The following ARHGAP26 variants were observed in gnomAD, a reference collection of about 807,000 sequenced individuals.
ARHGAP26 encodes the protein Rho GTPase activating protein 26.
In ARHGAP26, 38 loss-of-function variants were observed where a neutral mutation model predicts 104.8. That is an observed-to-expected ratio of 0.36 (90% CI 0.28 to 0.48). ARHGAP26 has a LOEUF of 0.48. Ranked by LOEUF, ARHGAP26 falls within the 20% of genes least tolerant of loss-of-function variation. ARHGAP26 has a pLI of 0.99. For synonymous variants in ARHGAP26, 341 were observed against 340.0 expected, an observed-to-expected ratio of 1.00 and a Z score of -0.03; for missense variants, 704 against 947.9, an observed-to-expected ratio of 0.74 and a Z score of 3.38.
At chr5:142,993,371 T>G (rs1038559145) in intron 11 of ARHGAP26, among the ~76,000 whole-genome samples, 1 of 151,686 alleles carries the variant, frequency 6.6e-6, no homozygotes, top group African/African-American at 2.4e-5. Flanking sequence ...GGGTTTCACC[T>G]TGTTAGCCAG....
chr5:142,927,159 C>T (rs755983412), intron 10 of ARHGAP26, among the ~76,000 whole-genome samples: 8 of 151,966 alleles, frequency 5.3e-5, no homozygotes, highest in Non-Finnish European at 1.0e-4. Context: ...GTATTTAAAA[C>T]GATTTTTACT....
intron 12 of ARHGAP26, among the ~76,000 whole-genome samples, chr5:143,016,073 T>G (rs539359612): frequency 1.3e-5 from 2 of 152,008 alleles, no homozygotes; most frequent in South Asian, 4.2e-4. Context: ...AAATAGGGAG[T>G]TGGCTAAATA....
chr5:142,963,198 A>ATATATATATATGTGTGTGTG (rs869247749), intron 11 of ARHGAP26, among the ~76,000 whole-genome samples: 2 of 98,356 alleles, frequency 2.0e-5, no homozygotes, highest in South Asian at 4.1e-4. Flanking sequence ...ATATATATAT[A>ATATATATATATGTGTGTGTG]TGTGTGTGTG....
intron 12 of ARHGAP26, among the ~76,000 whole-genome samples, chr5:143,017,396 C>T (rs778657063): frequency 2.0e-5 from 3 of 152,180 alleles, no homozygotes; most frequent in African/African-American, 4.8e-5. Context: ...CATTTCTTTG[C>T]AGAGCCTTTT....
intron 1 of ARHGAP26, among the ~76,000 whole-genome samples, chr5:142,811,563 A>C (rs1764078410): frequency 6.6e-6 from 1 of 152,192 alleles, no homozygotes; most frequent in South Asian, 2.1e-4. Flanking sequence ...CCACTGTTCT[A>C]GGCTCTAAGG....
rs116259204 is a variant in ARHGAP26 at position 143,115,743 on chromosome 5, A to G, written c.1539-5245A>G. The stretch of plus-strand genomic sequence containing the variant: ...AATCAGCCTTTCAAGTTTACAAGCT[A>G]CAAGCTACATATTATTGCTCCCATT... On this transcript the variant is annotated intron_variant, in intron 17 of 22. Transcript: ENST00000645722. Among the ~76,000 whole-genome samples the G allele has an allele frequency of 5.9e-3, 899 of 152,322 alleles. 4 individuals are homozygous for G. The highest frequency in any genetic ancestry group is 0.011 in the Non-Finnish European group (720 of 68,034).
chr5:142,817,632 C>T (rs559443220), intron 1 of ARHGAP26, among the ~76,000 whole-genome samples: 2 of 152,256 alleles, frequency 1.3e-5, no homozygotes. Context: ...TAATCCCCAT[C>T]CCTGGGTGGC....
chr5:143,183,029 G>T (rs1030649763), intron 20 of ARHGAP26, among the ~76,000 whole-genome samples: 2 of 132,950 alleles, frequency 1.5e-5, no homozygotes, highest in Admixed American at 8.4e-5. Flanking sequence ...AGCTGCTTTG[G>T]TTTTAGGGTT....
At chr5:142,843,129 G>A (rs1771139741) in intron 1 of ARHGAP26, among the ~76,000 whole-genome samples, 1 of 152,176 alleles carries the variant, frequency 6.6e-6, no homozygotes, top group Admixed American at 6.5e-5. Flanking sequence ...AGCTTGCCAT[G>A]AATGTTCCCT....
At chr5:142,857,597 T>G (rs955087635) in intron 1 of ARHGAP26, among the ~76,000 whole-genome samples, 2 of 152,118 alleles carry the variant, frequency 1.3e-5, no homozygotes, top group Non-Finnish European at 2.9e-5. Context: ...CACCTTGATA[T>G]AGGAGGAAGT....
At chr5:143,106,071 A>C (rs547638787) in intron 17 of ARHGAP26, among the ~76,000 whole-genome samples, 1 of 152,094 alleles carries the variant, frequency 6.6e-6, no homozygotes, top group African/African-American at 2.4e-5. Flanking sequence ...TTAAAGGGTG[A>C]CTTTTTCTTT....
At chr5:142,790,569 G>A (rs1759592927) in intron 1 of ARHGAP26, among the ~76,000 whole-genome samples, 1 of 152,016 alleles carries the variant, frequency 6.6e-6, no homozygotes, top group African/African-American at 2.4e-5. Flanking sequence ...CATGCCATTC[G>A]TCATACAGTT....
chr5:143,158,660 AG>A (rs1332106271), intron 20 of ARHGAP26, among the ~76,000 whole-genome samples: 2 of 152,228 alleles, frequency 1.3e-5, no homozygotes, highest in African/African-American at 4.8e-5. Flanking sequence ...TTCCTTCACA[AG>A]GAAGCAGTGG....
chr5:143,025,967 G>GAAA (rs3836775), intron 12 of ARHGAP26, among the ~76,000 whole-genome samples: 8 of 150,948 alleles, frequency 5.3e-5, no homozygotes, highest in African/African-American at 1.9e-4. Context: ...AAGAAACAAT[G>GAAA]AAAAAAAAAT....
At chr5:142,989,634 C>T (rs995563689) in intron 11 of ARHGAP26, among the ~76,000 whole-genome samples, 16 of 151,928 alleles carry the variant, frequency 1.1e-4, no homozygotes, top group Non-Finnish European at 1.6e-4. Flanking sequence ...TTCAGGAGCT[C>T]TTGTAGGGCA....
At chr5:143,212,835 T>C (rs1215492444) in intron 21 of ARHGAP26, among the ~76,000 whole-genome samples, 1 of 152,160 alleles carries the variant, frequency 6.6e-6, no homozygotes, top group African/African-American at 2.4e-5. Context: ...TGGAATTACT[T>C]GGAGAGCTTT....
intron 17 of ARHGAP26, among the ~76,000 whole-genome samples, chr5:143,093,358 G>A (rs1451668244): frequency 6.6e-6 from 1 of 152,092 alleles, no homozygotes; most frequent in African/African-American, 2.4e-5. Flanking sequence ...AGTGCTTTCG[G>A]GCCTTGTTTA....
At chr5:143,041,959 C>A in intron 14 of ARHGAP26, 69 bp downstream of exon 14, 2 of 1,344,030 alleles carry the variant, frequency 1.5e-6, no homozygotes, top group Non-Finnish European at 2.1e-6. Context: ...GTCACCAGGT[C>A]TGTGAGTAGA....
chr5:143,200,808 G>A (rs1807598027), intron 20 of ARHGAP26, among the ~76,000 whole-genome samples: 1 of 152,202 alleles, frequency 6.6e-6, no homozygotes, highest in South Asian at 2.1e-4. Flanking sequence ...TCATCTTATA[G>A]CAGCTCTACT....
Sources: allele counts gnomAD v4.1 joint callset (sites outside exome capture counted in the v4.1 genomes callset), GRCh38; gene constraint gnomAD v4.1.1; transcripts MANE v1.5; gene names NCBI Gene and HGNC (gene_info 2026-07-23, HGNC 2026-07-21).